Variants in PRMT3 observed in about 807,000 individuals in gnomAD.
The protein encoded by PRMT3 is protein arginine methyltransferase 3.
A neutral mutation model predicts 71.9 loss-of-function variants in PRMT3; 62 were observed. That is an observed-to-expected ratio of 0.86 (90% CI 0.70 to 1.07). PRMT3 has a LOEUF of 1.07. Among genes scored for constraint, PRMT3 ranks in the 50% least tolerant of loss-of-function variants. PRMT3 has a pLI of 0.00. For missense variants in PRMT3, 663 were observed against 643.0 expected (o/e 1.03, Z -0.34); for synonymous variants, 213 against 220.4 (o/e 0.97, Z 0.30).
At chr11:20,438,825 A>G (rs11529666) in intron 10 of PRMT3, among the ~76,000 whole-genome samples, 7,137 of 152,206 alleles carry the variant, frequency 0.047, 272 homozygotes, top group East Asian at 0.2. Context: ...TTCAACCCTG[A>G]TGGCAGAGGG....
chr11:20,424,070 G>C (rs966064526), intron 9 of PRMT3, among the ~76,000 whole-genome samples: 7 of 151,264 alleles, frequency 4.6e-5, no homozygotes, highest in African/African-American at 1.5e-4. Context: ...TGTAGTCCCA[G>C]CTACTCGGGA....
intron 10 of PRMT3, among the ~76,000 whole-genome samples, chr11:20,428,874 G>C (rs1849599717): frequency 6.6e-6 from 1 of 152,086 alleles, no homozygotes; most frequent in South Asian, 2.1e-4. Context: ...TTCTTTTGTG[G>C]TTCCACTTCC....
intron 3 of PRMT3, among the ~76,000 whole-genome samples, chr11:20,390,981 C>T (rs1233554404): frequency 2.6e-5 from 4 of 151,446 alleles, no homozygotes; most frequent in Admixed American, 1.3e-4. Flanking sequence ...ACCCGGGAGG[C>T]GGAGGTTGCA....
rs2133291661 is a variant in PRMT3 at position 20,389,777 on chromosome 11, CTG to C, written c.200_201del (p.Cys67Ter). On this transcript the variant is annotated frameshift_variant, in exon 3 of 16. Transcript: ENST00000331079. LOFTEE classifies it high-confidence loss of function. The stretch of plus-strand genomic sequence containing the variant: ...CATCTGCTGAAGAAACATTTTCACA[CTG>C]TAAGTCTGAGCATCAGTTTAATATT... Reference protein sequence around the residue: ...FTSAEETFSHCKSEHQFNIDS... With the variant: ...FTSAEETFSHXKSEHQFNIDS... 6.2e-7 allele frequency: 1 copy of C among 1,612,288 alleles called. No homozygotes were observed. Among genetic ancestry groups the C allele is most frequent in the Non-Finnish European group, 8.5e-7 (1 of 1,178,576 alleles).
At chr11:20,426,123 G>A (rs1849539901) in intron 9 of PRMT3, among the ~76,000 whole-genome samples, 1 of 152,174 alleles carries the variant, frequency 6.6e-6, no homozygotes. Flanking sequence ...ACTGGTCAAG[G>A]TTAATTTTTG....
At chr11:20,481,237 C>T (rs1308477681) in intron 13 of PRMT3, among the ~76,000 whole-genome samples, 8 of 145,938 alleles carry the variant, frequency 5.5e-5, no homozygotes, top group East Asian at 3.9e-4. Context: ...ATATAATTTA[C>T]GCAAATTAAC....
chr11:20,462,153 C>A lies in PRMT3; in HGVS notation c.1246C>A (p.Pro416Thr). 1 of 1,605,146 alleles carries A rather than the reference C, an allele frequency of 6.2e-7. No homozygotes were observed. The highest frequency in any genetic ancestry group is 8.5e-7 in the Non-Finnish European group (1 of 1,173,998). ...VLDPKTLISE[P>T]CGIKHIDCHT... ...AGATCCGAAGACTCTTATTTCAGAACCTTGTGGTATTAAGGTAGGTGTTTT... is the reference window on the plus strand; with the variant it reads ...AGATCCGAAGACTCTTATTTCAGAAACTTGTGGTATTAAGGTAGGTGTTTT... The change falls in exon 12 of 16, where the codon CCT becomes ACT. Residue 416 changes from proline (P) to threonine (T), a missense_variant. Transcript: ENST00000331079.
intron 12 of PRMT3, among the ~76,000 whole-genome samples, chr11:20,463,894 G>A (rs1850445536): frequency 3.6e-5 from 1 of 27,442 alleles, no homozygotes; most frequent in East Asian, 3.9e-4. Context: ...TTTTTCTCTG[G>A]ATCGAAATCT....
At chr11:20,405,174 G>T (rs183285904) in intron 8 of PRMT3, among the ~76,000 whole-genome samples, 1 of 151,372 alleles carries the variant, frequency 6.6e-6, no homozygotes, top group Non-Finnish European at 1.5e-5. Context: ...AGGCCATATG[G>T]TTTCTCAGAT....
chr11:20,408,496 A>G (rs902465761), intron 9 of PRMT3, among the ~76,000 whole-genome samples: 1 of 152,146 alleles, frequency 6.6e-6, no homozygotes, highest in Non-Finnish European at 1.5e-5. Context: ...GTAAATTCCA[A>G]AGTTGCTGAA....
chr11:20,494,420 A>T (rs760349535), intron 15 of PRMT3, among the ~76,000 whole-genome samples, 166 bp downstream of exon 15: 1 of 152,186 alleles, frequency 6.6e-6, no homozygotes, highest in African/African-American at 2.4e-5. Flanking sequence ...TGCAACCTCC[A>T]TCCCCTGGGT....
chr11:20,450,810 A>G (rs1384066152), intron 10 of PRMT3, among the ~76,000 whole-genome samples: 1 of 152,176 alleles, frequency 6.6e-6, no homozygotes, highest in African/African-American at 2.4e-5. Flanking sequence ...TTCTTGTTCT[A>G]GAGAAACCTT....
At chr11:20,396,150 T>G (rs1278311325) in intron 6 of PRMT3, among the ~76,000 whole-genome samples, 188 bp downstream of exon 6, 1 of 152,226 alleles carries the variant, frequency 6.6e-6, no homozygotes, top group Non-Finnish European at 1.5e-5. Flanking sequence ...TAAAATCTTA[T>G]AGTTTTACCT....
In PRMT3 at chr11:20,408,139, C is replaced by G. The variant is rs1225363064; in HGVS notation, c.893+107C>G. The G allele has an allele frequency of 7.8e-6, 6 of 769,960 alleles. No individual in the cohort carries two copies. In the Admixed American group the frequency reaches 1.1e-4, roughly 15 times the overall value. 47.7% of individuals were successfully genotyped at this position (769,960 alleles called of 1,614,324 possible). On this transcript the variant is annotated intron_variant, in intron 9 of 15. Coordinates refer to ENST00000331079, the MANE Select transcript of PRMT3 (RefSeq NM_005788.4). Reference sequence around the variant, plus strand: ...TCTAAGGCAGACTAAAGACATTTGTCTTTTAGTAAAAATTCACTCCAGAAT... The same window carrying G: ...TCTAAGGCAGACTAAAGACATTTGTGTTTTAGTAAAAATTCACTCCAGAAT...
chr11:20,424,190 A>G (rs1259700417), intron 9 of PRMT3, among the ~76,000 whole-genome samples: 1 of 152,008 alleles, frequency 6.6e-6, no homozygotes, highest in Non-Finnish European at 1.5e-5. Flanking sequence ...TCTCAAAAAA[A>G]AAAAAAAAAA....
chr11:20,463,334 A>T (rs1050407611), intron 12 of PRMT3, among the ~76,000 whole-genome samples: 1 of 152,232 alleles, frequency 6.6e-6, no homozygotes, highest in African/African-American at 2.4e-5. Context: ...CTTGATGGTT[A>T]TACGACTTCA....
chr11:20,470,520 A>G (rs1850618876), intron 13 of PRMT3, among the ~76,000 whole-genome samples: 1 of 152,146 alleles, frequency 6.6e-6, no homozygotes, highest in South Asian at 2.1e-4. Context: ...TTTGCTCGGG[A>G]TAACAGCTCT....
At chr11:20,448,560 C>T (rs1182520947) in intron 10 of PRMT3, among the ~76,000 whole-genome samples, 1 of 151,876 alleles carries the variant, frequency 6.6e-6, no homozygotes, top group African/African-American at 2.4e-5. Flanking sequence ...GTAACTCTAC[C>T]TTGTCTTACC....
chr11:20,497,223 C>CCTAA (rs1186586071), intron 15 of PRMT3, among the ~76,000 whole-genome samples: 3 of 152,110 alleles, frequency 2.0e-5, no homozygotes, highest in African/African-American at 7.2e-5. Flanking sequence ...GTTTTAAAAT[C>CCTAA]CTAACTATTC....
Sources: gnomAD v4.1 joint callset for allele counts (sites outside exome capture counted in the v4.1 genomes callset) on GRCh38, gnomAD v4.1.1 for gene constraint, MANE v1.5 for transcripts, NCBI Gene and HGNC (gene_info 2026-07-23, HGNC 2026-07-21) for gene names.